The following WWOX variants were observed in gnomAD, a reference collection of about 807,000 sequenced individuals.
WWOX encodes WW domain-containing oxidoreductase.
Under a neutral mutation model 46.2 loss-of-function variants are expected in WWOX, and 69 were observed. The observed-to-expected ratio is 1.49, with a 90% CI of 1.23 to 1.82. The LOEUF (loss-of-function observed/expected upper bound fraction) is 1.82, where lower values mean the gene tolerates loss of function less well. Among genes scored for constraint, WWOX ranks in the 40% most tolerant of loss-of-function variants. The pLI, the probability that WWOX is intolerant of heterozygous loss-of-function variation, is 0.00. For missense variants in WWOX, 919 were observed against 542.6 expected (o/e 1.69, Z -6.89); for synonymous variants, 359 against 202.6 (o/e 1.77, Z -6.56).
At chr16:78,756,896 A>C in intron 8 of WWOX, 1 of 703,120 alleles carries the variant, frequency 1.4e-6, no homozygotes, top group Non-Finnish European at 2.6e-6. Context: ...AGACCATAAA[A>C]ATATTGAGGC....
intron 8 of WWOX, among the ~76,000 whole-genome samples, chr16:78,504,202 G>A (rs968666694): frequency 6.6e-6 from 1 of 152,162 alleles, no homozygotes; most frequent in Non-Finnish European, 1.5e-5. Context: ...TGCATCTGTG[G>A]AAAAATGAAA....
At chr16:78,893,094 C>T (rs1035730697) in intron 8 of WWOX, among the ~76,000 whole-genome samples, 12 of 152,032 alleles carry the variant, frequency 7.9e-5, no homozygotes, top group African/African-American at 2.9e-4. Flanking sequence ...CCATCTCCAC[C>T]CTGCTGAGTA....
At chr16:78,547,023 G>T (rs1256625969) in intron 8 of WWOX, among the ~76,000 whole-genome samples, 2 of 151,206 alleles carry the variant, frequency 1.3e-5, no homozygotes, top group African/African-American at 2.4e-5. Flanking sequence ...AGCTACTTGG[G>T]AGGCTGAGGT....
intron 8 of WWOX, among the ~76,000 whole-genome samples, chr16:78,742,325 G>A (rs1243582953): frequency 6.6e-6 from 1 of 152,204 alleles, no homozygotes; most frequent in Non-Finnish European, 1.5e-5. Context: ...GCTTCAGGGT[G>A]TCCTCTGGTG....
At chr16:78,819,613 C>A (rs1205844447) in intron 8 of WWOX, among the ~76,000 whole-genome samples, 1 of 139,248 alleles carries the variant, frequency 7.2e-6, no homozygotes, top group Non-Finnish European at 1.7e-5. Flanking sequence ...GGAGCAGCAC[C>A]TCTGCTCCTG....
intron 5 of WWOX, among the ~76,000 whole-genome samples, chr16:78,329,302 CTG>C (rs2080705032): frequency 6.6e-6 from 1 of 152,166 alleles, no homozygotes; most frequent in Non-Finnish European, 1.5e-5. Flanking sequence ...CAGTTCTCCT[CTG>C]TGGGCATTTG....
chr16:78,164,384 C>T (rs2034904567), intron 5 of WWOX, 95 bp downstream of exon 5: 2 of 1,077,422 alleles, frequency 1.9e-6, no homozygotes, highest in African/African-American at 1.6e-5. Context: ...AAGTTTATTG[C>T]TCTTGGAATC....
At chr16:78,491,133 A>G (rs28505640) in intron 8 of WWOX, among the ~76,000 whole-genome samples, 4,484 of 152,124 alleles carry the variant, frequency 0.029, 161 homozygotes, top group African/African-American at 0.087. Flanking sequence ...TTTCTTGTCT[A>G]TTGGCAAAAG....
chr16:78,462,958 G>C (rs1425253343), intron 8 of WWOX, among the ~76,000 whole-genome samples: 1 of 152,196 alleles, frequency 6.6e-6, no homozygotes, highest in Non-Finnish European at 1.5e-5. Flanking sequence ...ACCGTGGGAG[G>C]ACTGTGATTT....
At chr16:78,956,695 C>A (rs549590223) in intron 8 of WWOX, among the ~76,000 whole-genome samples, 1 of 152,194 alleles carries the variant, frequency 6.6e-6, no homozygotes, top group South Asian at 2.1e-4. Context: ...TCTTTGTGCA[C>A]ACATCAAAAA....
intron 8 of WWOX, among the ~76,000 whole-genome samples, chr16:79,047,012 C>G (rs1015196258): frequency 3.9e-5 from 6 of 152,176 alleles, no homozygotes; most frequent in African/African-American, 1.2e-4. Flanking sequence ...AAGCAACTGA[C>G]CTTTTATCAG....
intron 8 of WWOX, among the ~76,000 whole-genome samples, chr16:78,720,530 C>G (rs1375885559): frequency 6.6e-6 from 1 of 150,538 alleles, no homozygotes; most frequent in Non-Finnish European, 1.5e-5. Flanking sequence ...CAGTTACTCT[C>G]TTTCAGGATT....
chr16:78,709,482 T>A (rs530742431), intron 8 of WWOX, among the ~76,000 whole-genome samples: 1 of 152,292 alleles, frequency 6.6e-6, no homozygotes, highest in Non-Finnish European at 1.5e-5. Flanking sequence ...CAGGGTATTC[T>A]GTTCATCTCT....
chr16:78,700,348 G>C (rs977065591), intron 8 of WWOX, among the ~76,000 whole-genome samples: 5 of 128,374 alleles, frequency 3.9e-5, no homozygotes, highest in Non-Finnish European at 4.9e-5. Context: ...GAGAGAGAGA[G>C]AGAGAGAGAG....
intron 8 of WWOX, among the ~76,000 whole-genome samples, chr16:79,147,384 G>C (rs563171609): frequency 6.6e-6 from 1 of 152,044 alleles, no homozygotes; most frequent in African/African-American, 2.4e-5. Context: ...TTTTTCACTC[G>C]GTACAATTCC....
chr16:78,658,902 GC>G (rs974736626), intron 8 of WWOX, among the ~76,000 whole-genome samples: 8 of 137,952 alleles, frequency 5.8e-5, no homozygotes, highest in African/African-American at 1.9e-4. Context: ...GACCAGCCTG[GC>G]CAAAATGGCA....
At chr16:78,594,760 T>C (rs910378602) in intron 8 of WWOX, among the ~76,000 whole-genome samples, 1 of 152,124 alleles carries the variant, frequency 6.6e-6, no homozygotes, top group Admixed American at 6.5e-5. Context: ...TATTTAAGTT[T>C]TTATTTATTT....
intron 8 of WWOX, among the ~76,000 whole-genome samples, chr16:78,476,546 G>C (rs764085483): frequency 2.6e-5 from 4 of 151,890 alleles, no homozygotes; most frequent in Non-Finnish European, 4.4e-5. Flanking sequence ...CACAGCACAT[G>C]TCTACATATG....
chr16:79,197,519 C>A (rs2051264290), intron 8 of WWOX, among the ~76,000 whole-genome samples: 1 of 152,040 alleles, frequency 6.6e-6, no homozygotes. Context: ...ACCACTGTCA[C>A]CAACCCTGCT....
Sources: allele counts gnomAD v4.1 joint callset (sites outside exome capture counted in the v4.1 genomes callset), GRCh38; gene constraint gnomAD v4.1.1; transcripts MANE v1.5; gene names NCBI Gene and HGNC (gene_info 2026-07-23, HGNC 2026-07-21).